The following CACNA2D3 variants were observed in gnomAD, a reference collection of about 807,000 sequenced individuals.
CACNA2D3 encodes the protein calcium voltage-gated channel auxiliary subunit alpha2delta 3.
A neutral mutation model predicts 160.6 loss-of-function variants in CACNA2D3; 60 were observed. The observed-to-expected ratio is 0.37, with a 90% CI of 0.30 to 0.46. The LOEUF (loss-of-function observed/expected upper bound fraction) is 0.46, where lower values mean the gene tolerates loss of function less well. CACNA2D3 is among the 20% of genes least tolerant of loss of function. The pLI, the probability that CACNA2D3 is intolerant of heterozygous loss-of-function variation, is 1.00. For synonymous variants in CACNA2D3, 558 were observed against 492.9 expected (o/e 1.13, Z -1.75); for missense variants, 1,205 against 1,365.0 (o/e 0.88, Z 1.85).
intron 29 of CACNA2D3, among the ~76,000 whole-genome samples, chr3:54,983,960 G>A (rs907469741): frequency 6.6e-6 from 1 of 152,252 alleles, no homozygotes. Flanking sequence ...GGCTTACCTT[G>A]CTTTCTACAA....
At chr3:54,904,149 C>T (rs947942149) in intron 27 of CACNA2D3, among the ~76,000 whole-genome samples, 2 of 152,198 alleles carry the variant, frequency 1.3e-5, no homozygotes, top group African/African-American at 4.8e-5. Flanking sequence ...AGAGCACACA[C>T]AAGAGAAGAG....
chr3:54,547,700 A>T (rs1364883441), intron 5 of CACNA2D3, among the ~76,000 whole-genome samples: 2 of 113,352 alleles, frequency 1.8e-5, no homozygotes, highest in African/African-American at 6.7e-5. Flanking sequence ...TTTTTTTTTA[A>T]GAGAGACAGG....
At chr3:54,811,466 T>C (rs1228033858) in intron 13 of CACNA2D3, among the ~76,000 whole-genome samples, 3 of 1,468 alleles carry the variant, frequency 2.0e-3, no homozygotes, top group African/African-American at 3.6e-3. Flanking sequence ...CCCTCAGTTC[T>C]TTTTTTTTTT....
At position 54,418,476 on chromosome 3, in the gene CACNA2D3, A is replaced by C. The variant is rs115734999; in HGVS notation, c.381+31702A>C. 3.0e-3 allele frequency among the ~76,000 whole-genome samples: 450 copies of C among 151,886 alleles called. 4 individuals carry two copies. The highest frequency in any genetic ancestry group is 1.0e-2 in the African/African-American group (413 of 41,416). ...ATATTTTTTGAAATCCAGGTCAAGA[A>C]GAATGATGAGCCACAACACAGCTTT... On this transcript the variant is annotated intron_variant, in intron 4 of 37. Coordinates refer to ENST00000474759, the MANE Select transcript of CACNA2D3 (RefSeq NM_018398.3).
chr3:54,928,506 C>CA, intron 27 of CACNA2D3, among the ~76,000 whole-genome samples: 1 of 152,160 alleles, frequency 6.6e-6, no homozygotes, highest in Non-Finnish European at 1.5e-5. Flanking sequence ...TGGAGGCTGA[C>CA]ACGGTTTGCA....
chr3:54,225,821 T>G (rs542866882), intron 2 of CACNA2D3, among the ~76,000 whole-genome samples: 24 of 152,176 alleles, frequency 1.6e-4, no homozygotes, highest in African/African-American at 5.8e-4. Flanking sequence ...GCTCAGCAAC[T>G]TCAGACTGAG....
chr3:54,164,943 C>T (rs1391999641), intron 2 of CACNA2D3, among the ~76,000 whole-genome samples: 2 of 152,164 alleles, frequency 1.3e-5, no homozygotes, highest in African/African-American at 2.4e-5. Flanking sequence ...TAACCCAGGG[C>T]CTGGGCCATG....
At chr3:55,027,759 T>A (rs1703595997) in intron 35 of CACNA2D3, among the ~76,000 whole-genome samples, 1 of 152,186 alleles carries the variant, frequency 6.6e-6, no homozygotes, top group Non-Finnish European at 1.5e-5. Flanking sequence ...CAGTAAGATC[T>A]TTTTCATAGG....
intron 14 of CACNA2D3, among the ~76,000 whole-genome samples, chr3:54,821,697 T>TTTCTTTCCTTTC (rs753240626): frequency 1.2e-5 from 1 of 84,096 alleles, no homozygotes; most frequent in South Asian, 4.2e-4. Context: ...TCTTTCTTTC[T>TTTCTTTCCTTTC]TTCCTTCCTT....
chr3:54,445,521 C>T (rs991859955), intron 4 of CACNA2D3, among the ~76,000 whole-genome samples: 3 of 150,510 alleles, frequency 2.0e-5, no homozygotes, highest in Admixed American at 6.7e-5. Context: ...TATGTTCATA[C>T]ACTTATTCTA....
At chr3:54,748,147 T>C (rs2107059524) in intron 11 of CACNA2D3, among the ~76,000 whole-genome samples, 1 of 152,304 alleles carries the variant, frequency 6.6e-6, no homozygotes, top group African/African-American at 2.4e-5. Context: ...TTCTTCATTA[T>C]TGAAGGGAGA....
chr3:54,589,031 A>G (rs1702812406), intron 9 of CACNA2D3, among the ~76,000 whole-genome samples: 1 of 152,050 alleles, frequency 6.6e-6, no homozygotes, highest in African/African-American at 2.4e-5. Flanking sequence ...AGTATTCTAG[A>G]GTTTACCTAG....
intron 2 of CACNA2D3, among the ~76,000 whole-genome samples, chr3:54,184,621 C>T (rs1459395016): frequency 6.6e-6 from 1 of 152,212 alleles, no homozygotes; most frequent in Non-Finnish European, 1.5e-5. Context: ...GTGAAATGGG[C>T]CATCCCATGG....
chr3:54,751,142 C>G (rs188611602), intron 11 of CACNA2D3, among the ~76,000 whole-genome samples: 1 of 151,978 alleles, frequency 6.6e-6, no homozygotes, highest in Non-Finnish European at 1.5e-5. Flanking sequence ...AAACAAAAAC[C>G]GTATCCTCAC....
chr3:54,428,284 C>A (rs2106766634), intron 4 of CACNA2D3, among the ~76,000 whole-genome samples: 1 of 152,328 alleles, frequency 6.6e-6, no homozygotes, highest in Non-Finnish European at 1.5e-5. Context: ...GACTAAGCAA[C>A]TTAACAGTTT....
In CACNA2D3 at chr3:54,403,457, C is replaced by A. The variant is rs949107587; in HGVS notation, c.381+16683C>A. ...TAGTGAAGACATAACATACCAAAAC[C>A]TATGGGATACAACAAAAGTGGTTCT... On this transcript the variant is annotated intron_variant, in intron 4 of 37. Coordinates refer to ENST00000474759, the MANE Select transcript of CACNA2D3 (RefSeq NM_018398.3). 2.6e-5 allele frequency among the ~76,000 whole-genome samples: 4 copies of A among 151,038 alleles called. No individual in the cohort carries two copies. In the East Asian group the frequency reaches 7.8e-4, roughly 29 times the overall value.
At chr3:54,288,347 C>T (rs1703088779) in intron 2 of CACNA2D3, among the ~76,000 whole-genome samples, 2 of 152,182 alleles carry the variant, frequency 1.3e-5, no homozygotes, top group South Asian at 2.1e-4. Flanking sequence ...TTCCTCGACA[C>T]ATACACCCTC....
intron 3 of CACNA2D3, among the ~76,000 whole-genome samples, chr3:54,384,506 G>T (rs1699157017): frequency 6.6e-6 from 1 of 152,120 alleles, no homozygotes; most frequent in Non-Finnish European, 1.5e-5. Context: ...TTTGCAGATT[G>T]TACCACATGA....
intron 2 of CACNA2D3, among the ~76,000 whole-genome samples, chr3:54,144,844 G>GT (rs1443596303): frequency 6.6e-6 from 1 of 152,314 alleles, no homozygotes; most frequent in African/African-American, 2.4e-5. Context: ...AATGCCAAGT[G>GT]TTTTTATCAT....
Sources: allele counts gnomAD v4.1 joint callset (sites outside exome capture counted in the v4.1 genomes callset), GRCh38; gene constraint gnomAD v4.1.1; transcripts MANE v1.5; gene names NCBI Gene and HGNC (gene_info 2026-07-23, HGNC 2026-07-21).